UGT1A5: variants seen among roughly 807,000 people sequenced by gnomAD.
The protein encoded by UGT1A5 is UDP-glucuronosyltransferase 1A5.
A neutral mutation model predicts 40.3 loss-of-function variants in UGT1A5; 29 were observed. The ratio of observed to expected loss-of-function variants is 0.72; its 90% confidence interval spans 0.54 to 0.98. The LOEUF is 0.98. Ranked by LOEUF, UGT1A5 falls within the 50% of genes least tolerant of loss-of-function variation. The pLI, the probability that UGT1A5 is intolerant of heterozygous loss-of-function variation, is 0.00. For synonymous variants in UGT1A5, 257 were observed against 262.5 expected (o/e 0.98, Z 0.20); for missense variants, 678 against 677.9 (o/e 1.00, Z 0.00).
intron 1 of UGT1A5, among the ~76,000 whole-genome samples, chr2:233,764,312 GA>G (rs1174079806): frequency 1.3e-5 from 2 of 152,150 alleles, no homozygotes; most frequent in East Asian, 3.8e-4. Flanking sequence ...AAGTTTAAGG[GA>G]AGCTTTGCCA....
At chr2:233,755,411 C>G (rs1182147250) in intron 1 of UGT1A5, 4 of 330,942 alleles carry the variant, frequency 1.2e-5, no homozygotes, top group South Asian at 7.6e-5. Flanking sequence ...TTGGCCGAGG[C>G]CTGTGAGCGC....
At chr2:233,714,460 GATTGT>G (rs1241465467) in intron 1 of UGT1A5, among the ~76,000 whole-genome samples, 2 of 152,154 alleles carry the variant, frequency 1.3e-5, no homozygotes, top group East Asian at 3.9e-4. Context: ...GGGAGTGTTG[GATTGT>G]AATAGGAGAA....
chr2:233,716,533 C>T (rs1284629795), intron 1 of UGT1A5, among the ~76,000 whole-genome samples: 2 of 152,142 alleles, frequency 1.3e-5, no homozygotes, highest in South Asian at 2.1e-4. Flanking sequence ...TCAATTATCT[C>T]CTTTCTCTCC....
intron 1 of UGT1A5, chr2:233,740,822 C>A (rs1691482429): frequency 1.3e-5 from 2 of 151,840 alleles, no homozygotes; most frequent in Non-Finnish European, 2.9e-5. Flanking sequence ...TGTTTTTGAG[C>A]TGAGACATTT....
At chr2:233,748,943 C>G (rs1694067259) in intron 1 of UGT1A5, among the ~76,000 whole-genome samples, 1 of 151,688 alleles carries the variant, frequency 6.6e-6, no homozygotes, top group Admixed American at 6.6e-5. Flanking sequence ...CAAACCCACC[C>G]TATCCCACTC....
intron 1 of UGT1A5, among the ~76,000 whole-genome samples, chr2:233,730,263 G>C (rs45449797): frequency 1.3e-5 from 2 of 152,070 alleles, no homozygotes; most frequent in South Asian, 2.1e-4. Context: ...AGAGACTGTT[G>C]GTTTGTAAAG....
chr2:233,726,218 A>C (rs1180032899), intron 1 of UGT1A5, among the ~76,000 whole-genome samples: 1 of 152,174 alleles, frequency 6.6e-6, no homozygotes, highest in Non-Finnish European at 1.5e-5. Context: ...AAAGTTTAGA[A>C]AACATTTTTT....
At position 233,719,073 on chromosome 2, in the gene UGT1A5, A is replaced by C. The variant is rs1195063088; in HGVS notation, c.867+5215A>C. Reference sequence around the variant, plus strand: ...CCTGACAGCCTATGCTGTTCCATGGACCCAGAAGGAATTTGATCGCGTTAC... The same window carrying C: ...CCTGACAGCCTATGCTGTTCCATGGCCCCAGAAGGAATTTGATCGCGTTAC... On this transcript the variant is annotated intron_variant, in intron 1 of 4. Coordinates refer to ENST00000373414, the MANE Select transcript of UGT1A5 (RefSeq NM_019078.2). The C allele has an allele frequency of 3.7e-6, 6 of 1,614,126 alleles. No homozygotes were observed. The African/African-American group carries it at 8.0e-5, about 22-fold the overall frequency.
At chr2:233,756,696 A>G (rs1696298484) in intron 1 of UGT1A5, among the ~76,000 whole-genome samples, 1 of 152,182 alleles carries the variant, frequency 6.6e-6, no homozygotes, top group African/African-American at 2.4e-5. Flanking sequence ...ATGACGATGA[A>G]TTTTGGGGGG....
chr2:233,745,134 A>C (rs1693022664), intron 1 of UGT1A5, among the ~76,000 whole-genome samples: 1 of 151,864 alleles, frequency 6.6e-6, no homozygotes, highest in Admixed American at 6.5e-5. Context: ...TGCAGATGTG[A>C]AGCCCAAGTA....
chr2:233,739,909 T>C (rs572345956), intron 1 of UGT1A5, among the ~76,000 whole-genome samples: 1 of 151,874 alleles, frequency 6.6e-6, no homozygotes, highest in Non-Finnish European at 1.5e-5. Context: ...TCTCATATTG[T>C]AATTTCCATA....
chr2:233,753,853 A>G (rs1695329798), intron 1 of UGT1A5, among the ~76,000 whole-genome samples: 1 of 152,184 alleles, frequency 6.6e-6, no homozygotes, highest in Non-Finnish European at 1.5e-5. Flanking sequence ...TCATTGACCA[A>G]CCACATAACC....
intron 1 of UGT1A5, among the ~76,000 whole-genome samples, chr2:233,731,894 C>A (rs1470586397): frequency 6.6e-6 from 1 of 152,238 alleles, no homozygotes; most frequent in Non-Finnish European, 1.5e-5. Context: ...AATTTACACT[C>A]CCACCAATGG....
At chr2:233,749,855 C>G (rs1694286489) in intron 1 of UGT1A5, among the ~76,000 whole-genome samples, 1 of 151,986 alleles carries the variant, frequency 6.6e-6, no homozygotes, top group Non-Finnish European at 1.5e-5. Flanking sequence ...GCCTCTCTCT[C>G]ACTTTCTGCC....
intron 1 of UGT1A5, among the ~76,000 whole-genome samples, chr2:233,738,688 T>G (rs1408862943): frequency 6.6e-6 from 1 of 152,138 alleles, no homozygotes; most frequent in Non-Finnish European, 1.5e-5. Flanking sequence ...AATTGGAACT[T>G]ATGTTTAAAA....
chr2:233,767,249 T>C, intron 2 of UGT1A5, 84 bp downstream of exon 2: 1 of 1,600,756 alleles, frequency 6.2e-7, no homozygotes, highest in Non-Finnish European at 8.5e-7. Context: ...TTAATTCTCT[T>C]AATTGGAACC....
At chr2:233,747,637 A>G in intron 1 of UGT1A5, 1 of 1,582,234 alleles carries the variant, frequency 6.3e-7, no homozygotes, top group Non-Finnish European at 8.7e-7. Flanking sequence ...AGGCACCTGA[A>G]TGCTACTTCC....
At chr2:233,744,436 C>G (rs183534266) in intron 1 of UGT1A5, among the ~76,000 whole-genome samples, 10 of 151,926 alleles carry the variant, frequency 6.6e-5, no homozygotes. Context: ...ATCTATCATA[C>G]GTACTGCATT....
chr2:233,755,067 T>C (rs1054820279), intron 1 of UGT1A5: 7 of 1,335,636 alleles, frequency 5.2e-6, no homozygotes, highest in Non-Finnish European at 7.0e-6. Flanking sequence ...CGCCTCGCCA[T>C]AGCGGTCATA....
Sources: gnomAD v4.1 joint callset for allele counts (sites outside exome capture counted in the v4.1 genomes callset) on GRCh38, gnomAD v4.1.1 for gene constraint, MANE v1.5 for transcripts, NCBI Gene and HGNC (gene_info 2026-07-23, HGNC 2026-07-21) for gene names.